Variants in PDE3B observed in about 807,000 individuals in gnomAD.
PDE3B encodes the protein cGMP-inhibited 3',5'-cyclic phosphodiesterase 3B.
A neutral mutation model predicts 116.8 loss-of-function variants in PDE3B; 66 were observed. That is an observed-to-expected ratio of 0.56 (90% CI 0.46 to 0.69). PDE3B has a LOEUF of 0.69. PDE3B is among the 30% of genes least tolerant of loss of function. The probability of loss-of-function intolerance (pLI) is 0.00; values close to 1 mark genes in which losing one functional copy is unlikely to be tolerated. For missense variants in PDE3B, 1,384 were observed against 1,368.1 expected (o/e 1.01, Z -0.18); for synonymous variants, 595 against 533.6 (o/e 1.12, Z -1.59).
chr11:14,751,612 G>A (rs901780347), intron 1 of PDE3B, among the ~76,000 whole-genome samples: 10 of 152,254 alleles, frequency 6.6e-5, no homozygotes, highest in Non-Finnish European at 1.5e-4. Flanking sequence ...AGTTTATTTG[G>A]GAAGTGATCC....
At position 14,861,267 on chromosome 11, in the gene PDE3B, C is replaced by T. The variant is rs782576882; in HGVS notation, c.2787C>T (p.Cys929=). 8 of 1,612,694 alleles carry T rather than the reference C, an allele frequency of 5.0e-6. No homozygotes were observed. Among genetic ancestry groups the T allele is most frequent in the Non-Finnish European group, 6.8e-6 (8 of 1,178,892 alleles). ...WSNENDRLLV[C]QVCIKLADIN... is the part of the protein sequence containing the mutation. ...ATGAAAATGATCGCCTCTTGGTATGCCAGGTGTGCATCAAACTGGCAGATA... is the reference window on the plus strand; with the variant it reads ...ATGAAAATGATCGCCTCTTGGTATGTCAGGTGTGCATCAAACTGGCAGATA... Residue 929 remains cysteine, a synonymous_variant, in exon 14 of 16, where the codon TGC becomes TGT. Coordinates refer to ENST00000282096, the MANE Select transcript of PDE3B (RefSeq NM_000922.4).
At chr11:14,774,510 CAT>C (rs1343612504) in intron 2 of PDE3B, 1 of 152,170 alleles carries the variant, frequency 6.6e-6, no homozygotes, top group East Asian at 1.9e-4. Flanking sequence ...TTGCTGGAAA[CAT>C]ATGACCATTG....
intron 2 of PDE3B, among the ~76,000 whole-genome samples, chr11:14,784,199 G>T (rs1858124601): frequency 6.6e-6 from 1 of 152,138 alleles, no homozygotes; most frequent in South Asian, 2.1e-4. Context: ...GGGAACCCCT[G>T]CTTTAAACAG....
intron 1 of PDE3B, among the ~76,000 whole-genome samples, chr11:14,684,070 A>G (rs1287813557): frequency 6.6e-6 from 1 of 152,178 alleles, no homozygotes; most frequent in East Asian, 1.9e-4. Flanking sequence ...TGATGTCTAG[A>G]TATGAGATTT....
intron 1 of PDE3B, among the ~76,000 whole-genome samples, chr11:14,745,659 T>TA (rs567203382): frequency 1.9e-3 from 293 of 150,380 alleles, no homozygotes; most frequent in African/African-American, 6.8e-3. Context: ...ATTATGTATA[T>TA]TTTTTTTATT....
At chr11:14,794,424 C>T (rs1858487364) in intron 4 of PDE3B, among the ~76,000 whole-genome samples, 2 of 151,458 alleles carry the variant, frequency 1.3e-5, no homozygotes, top group South Asian at 2.1e-4. Flanking sequence ...TCAAGCAATT[C>T]TTCCTCAACC....
chr11:14,731,656 T>A (rs1186271318), intron 1 of PDE3B, among the ~76,000 whole-genome samples: 1 of 152,198 alleles, frequency 6.6e-6, no homozygotes, highest in Non-Finnish European at 1.5e-5. Context: ...AATGACATAG[T>A]TATAAGGCTA....
rs77439932 is a variant in PDE3B, at chr11:14,749,382, C to G, written c.979-22555C>G. On this transcript the variant is annotated intron_variant, in intron 1 of 15. Transcript: ENST00000282096. ...GGTACTGATCCAATGATGAGTAACTCTATACCTCTGAAGATAATACATTCC... is the reference window on the plus strand; with the variant it reads ...GGTACTGATCCAATGATGAGTAACTGTATACCTCTGAAGATAATACATTCC... Among the ~76,000 whole-genome samples the G allele has an allele frequency of 1.6e-4, 25 of 152,164 alleles. No homozygotes were observed. The East Asian group carries it at 4.8e-3, about 29-fold the overall frequency.
At chr11:14,827,262 A>G (rs1260540752) in intron 7 of PDE3B, among the ~76,000 whole-genome samples, 1 of 152,142 alleles carries the variant, frequency 6.6e-6, no homozygotes, top group African/African-American at 2.4e-5. Context: ...CGGGCACAAG[A>G]CAAGGATGCC....
At chr11:14,658,641 C>T (rs1393595623) in intron 1 of PDE3B, among the ~76,000 whole-genome samples, 1 of 152,212 alleles carries the variant, frequency 6.6e-6, no homozygotes, top group African/African-American at 2.4e-5. Flanking sequence ...AGGCATGAGC[C>T]ACCGCGCCAG....
intron 5 of PDE3B, among the ~76,000 whole-genome samples, chr11:14,810,290 C>T (rs1590164038): frequency 6.6e-6 from 1 of 151,098 alleles, no homozygotes; most frequent in Non-Finnish European, 1.5e-5. Context: ...TAGCATTAGG[C>T]ATATCTCCCA....
chr11:14,756,942 T>C (rs1403052907), intron 1 of PDE3B, among the ~76,000 whole-genome samples: 2 of 113,382 alleles, frequency 1.8e-5, no homozygotes, highest in African/African-American at 6.8e-5. Context: ...CCCAATGCTA[T>C]CCCTCCCCCC....
At chr11:14,682,138 G>C (rs1470933189) in intron 1 of PDE3B, among the ~76,000 whole-genome samples, 1 of 152,108 alleles carries the variant, frequency 6.6e-6, no homozygotes, top group Non-Finnish European at 1.5e-5. Flanking sequence ...CATCCTCACT[G>C]TCTTCACATT....
chr11:14,690,567 C>T (rs903238468), intron 1 of PDE3B, among the ~76,000 whole-genome samples: 1 of 148,568 alleles, frequency 6.7e-6, no homozygotes, highest in Non-Finnish European at 1.5e-5. Context: ...TTCTCATTCT[C>T]AGTAAGTATT....
intron 1 of PDE3B, among the ~76,000 whole-genome samples, chr11:14,734,429 G>T (rs1364796328): frequency 2.0e-5 from 3 of 152,146 alleles, no homozygotes; most frequent in African/African-American, 7.2e-5. Flanking sequence ...CTTATAGGTT[G>T]TTCTTCTTGG....
chr11:14,890,371 G>T, the PDE3B span: 2 of 552,374 alleles, frequency 3.6e-6, no homozygotes, highest in East Asian at 1.5e-4. Context: ...AAAATCATGG[G>T]AATAAACTCA....
chr11:14,653,235 CAG>C (rs923232958), intron 1 of PDE3B, among the ~76,000 whole-genome samples: 1 of 152,058 alleles, frequency 6.6e-6, no homozygotes, highest in Non-Finnish European at 1.5e-5. Context: ...TATGTAGACT[CAG>C]AAACCTCACG....
At chr11:14,767,060 T>G (rs1219268074) in intron 1 of PDE3B, among the ~76,000 whole-genome samples, 4 of 151,604 alleles carry the variant, frequency 2.6e-5, no homozygotes, top group Admixed American at 6.6e-5. Context: ...TCTATCTTTT[T>G]TATATGCTTT....
At chr11:14,880,091 C>G in the PDE3B span, 5 of 1,603,266 alleles carry the variant, frequency 3.1e-6, no homozygotes, top group African/African-American at 4.0e-5. Flanking sequence ...ATGTATGAAC[C>G]CTACATGTAA....
Sources: allele counts gnomAD v4.1 joint callset (sites outside exome capture counted in the v4.1 genomes callset), GRCh38; gene constraint gnomAD v4.1.1; transcripts MANE v1.5; gene names NCBI Gene and HGNC (gene_info 2026-07-23, HGNC 2026-07-21).